The following BMPR1B variants were observed in gnomAD, a reference collection of about 807,000 sequenced individuals.
BMPR1B encodes bone morphogenetic protein receptor type-1B.
In BMPR1B, 12 loss-of-function variants were observed where a neutral mutation model predicts 59.1. The ratio of observed to expected loss-of-function variants is 0.20; its 90% CI spans 0.13 to 0.33. The LOEUF (loss-of-function observed/expected upper bound fraction) is 0.33. Ranked by LOEUF, BMPR1B falls within the 10% of genes least tolerant of loss-of-function variation. BMPR1B has a pLI of 1.00. For synonymous variants in BMPR1B, 237 were observed against 207.3 expected (o/e 1.14, Z -1.23); for missense variants, 550 against 610.9 (o/e 0.90, Z 1.05).
chr4:94,782,956 G>A (rs186901616), intron 1 of BMPR1B, among the ~76,000 whole-genome samples: 1 of 152,192 alleles, frequency 6.6e-6, no homozygotes, highest in Admixed American at 6.5e-5. Context: ...GCTTGTTTTT[G>A]TTATTTGCTT....
intron 1 of BMPR1B, among the ~76,000 whole-genome samples, chr4:94,867,319 A>G (rs570727372): frequency 6.6e-4 from 100 of 152,298 alleles, no homozygotes; most frequent in African/African-American, 2.3e-3. Flanking sequence ...CTCAAACTCA[A>G]TATATCCAAT....
intron 1 of BMPR1B, among the ~76,000 whole-genome samples, chr4:94,833,749 C>T (rs144941084): frequency 6.6e-6 from 1 of 152,228 alleles, no homozygotes; most frequent in African/African-American, 2.4e-5. Flanking sequence ...ATATTATAGA[C>T]CCAGAATTGT....
chr4:94,790,953 A>G (rs1200959526), intron 1 of BMPR1B, among the ~76,000 whole-genome samples: 1 of 152,132 alleles, frequency 6.6e-6, no homozygotes, highest in African/African-American at 2.4e-5. Context: ...GTTGTCAAGA[A>G]TAAATTTGAA....
intron 2 of BMPR1B, among the ~76,000 whole-genome samples, chr4:94,909,165 G>A (rs1293532379): frequency 6.6e-6 from 1 of 152,036 alleles, no homozygotes; most frequent in Non-Finnish European, 1.5e-5. Flanking sequence ...GTCATTGAAT[G>A]TAGGGCCCAT....
Position 95,131,588 on chromosome 4 carries a change from A to G in BMPR1B, c.1076+76A>G, listed in dbSNP as rs940312541. The G allele has an allele frequency of 4.0e-6, 6 of 1,505,870 alleles. No individual in the cohort carries two copies. The African/African-American group carries it at 5.5e-5, about 14-fold the overall frequency. The allele number at this position is 1,505,870 out of a possible 1,614,324, so 93.3% of individuals were successfully genotyped here. A position where few individuals can be genotyped will look rare whatever the true frequency, so the allele number is the denominator to read the frequency against. On this transcript the variant is annotated intron_variant, in intron 10 of 12. Coordinates refer to ENST00000515059, the MANE Select transcript of BMPR1B (RefSeq NM_001203.3). ...TTTTATTTTGTAGCGCAGTGCTTCT[A>G]GGATATTTAGTAGAAGAGGAATATC...
intron 3 of BMPR1B, among the ~76,000 whole-genome samples, chr4:95,049,987 A>C (rs2149186245): frequency 6.6e-6 from 1 of 152,154 alleles, no homozygotes; most frequent in African/African-American, 2.4e-5. Flanking sequence ...ATAGAAGCCC[A>C]TATTGGGGAA....
chr4:95,149,060 T>C, intron 11 of BMPR1B, 137 bp downstream of exon 11: 2 of 1,136,228 alleles, frequency 1.8e-6, no homozygotes, highest in Non-Finnish European at 2.6e-6. Context: ...GATGCAGTCA[T>C]AGTGCTTCCA....
chr4:95,123,897 G>T lies in BMPR1B; in HGVS notation c.437G>T (p.Cys146Phe). Residue 146 changes from cysteine (C) to phenylalanine (F), a missense_variant, in exon 7 of 13, where the codon TGT becomes TTT. Transcript: ENST00000515059. Reference sequence around the variant, plus strand: ...CTCTTGGTCCTTATCATATTATTTTGTTACTTCCGGTAAGTTTCTAACATG... The same window carrying T: ...CTCTTGGTCCTTATCATATTATTTTTTTACTTCCGGTAAGTTTCTAACATG... ...SLLLVLIILF[C>F]YFRYKRQETR... 2 of 1,607,444 alleles carry T rather than the reference G, an allele frequency of 1.2e-6. No individual in the cohort carries two copies. Among genetic ancestry groups the T allele is most frequent in the Non-Finnish European group, 8.5e-7 (1 of 1,175,818 alleles).
At chr4:94,760,086 C>T (rs923856643) in intron 1 of BMPR1B, among the ~76,000 whole-genome samples, 5 of 152,034 alleles carry the variant, frequency 3.3e-5, no homozygotes, top group African/African-American at 4.8e-5. Flanking sequence ...TGCTAGGGGC[C>T]GCTGATGAAT....
At chr4:95,066,407 G>A (rs537323037) in intron 3 of BMPR1B, among the ~76,000 whole-genome samples, 31 of 152,304 alleles carry the variant, frequency 2.0e-4, no homozygotes, top group African/African-American at 7.5e-4. Context: ...TCAGGGCCTT[G>A]AGGTTTGTTT....
chr4:95,134,027 C>A (rs1385431641), intron 10 of BMPR1B, among the ~76,000 whole-genome samples: 1 of 152,110 alleles, frequency 6.6e-6, no homozygotes, highest in African/African-American at 2.4e-5. Context: ...TCCCTCCCCC[C>A]TCCACCCCAC....
At chr4:95,153,319 C>T (rs1164217548) in intron 12 of BMPR1B, among the ~76,000 whole-genome samples, 8 of 152,074 alleles carry the variant, frequency 5.3e-5, no homozygotes, top group African/African-American at 1.9e-4. Context: ...TGGAAAGCAG[C>T]GGCTAGTAAG....
At chr4:94,779,690 G>C (rs961838823) in intron 1 of BMPR1B, among the ~76,000 whole-genome samples, 4 of 151,984 alleles carry the variant, frequency 2.6e-5, no homozygotes, top group Non-Finnish European at 4.4e-5. Context: ...AAATTAGCCC[G>C]GTGTGGTGGC....
At position 94,891,130 on chromosome 4, in the gene BMPR1B, G is replaced by C. The variant is rs186413640; in HGVS notation, c.-113+15230G>C. On this transcript the variant is annotated intron_variant, in intron 2 of 12. Coordinates refer to ENST00000515059, the MANE Select transcript of BMPR1B (RefSeq NM_001203.3). ...TATTTCTCACAATATCCTAATATGTGCATTGTACATAGTAAGTGGTTAGTA... is the reference window on the plus strand; with the variant it reads ...TATTTCTCACAATATCCTAATATGTCCATTGTACATAGTAAGTGGTTAGTA... Among the ~76,000 whole-genome samples the C allele has an allele frequency of 4.8e-4, 73 of 152,032 alleles. 1 individual carries two copies. The East Asian group carries it at 0.011, about 23-fold the overall frequency.
At chr4:94,928,490 C>T (rs1458130148) in intron 2 of BMPR1B, among the ~76,000 whole-genome samples, 1 of 151,554 alleles carries the variant, frequency 6.6e-6, no homozygotes, top group Non-Finnish European at 1.5e-5. Flanking sequence ...GTTGAAATCT[C>T]ATTCTAATTT....
At chr4:94,975,742 A>G (rs979824778) in intron 2 of BMPR1B, among the ~76,000 whole-genome samples, 41 of 152,156 alleles carry the variant, frequency 2.7e-4, no homozygotes, top group African/African-American at 7.2e-5. Flanking sequence ...GTTTTATTTC[A>G]TGATTTCTCC....
chr4:94,992,190 G>C (rs1023365960), intron 2 of BMPR1B, among the ~76,000 whole-genome samples: 1 of 152,138 alleles, frequency 6.6e-6, no homozygotes, highest in Non-Finnish European at 1.5e-5. Flanking sequence ...GTTCTCTTTA[G>C]TAAGGTGTAT....
chr4:95,072,944 C>A (rs1172326440), intron 3 of BMPR1B, among the ~76,000 whole-genome samples: 2 of 152,096 alleles, frequency 1.3e-5, no homozygotes, highest in Admixed American at 6.6e-5. Flanking sequence ...TATTCATCTT[C>A]TATTTTCTTC....
chr4:95,012,767 A>G (rs1280377061), intron 3 of BMPR1B, among the ~76,000 whole-genome samples: 1 of 152,154 alleles, frequency 6.6e-6, no homozygotes, highest in Non-Finnish European at 1.5e-5. Context: ...TTCATTTACT[A>G]TATCTTAAAT....
Sources: gnomAD v4.1 joint callset for allele counts (sites outside exome capture counted in the v4.1 genomes callset) on GRCh38, gnomAD v4.1.1 for gene constraint, MANE v1.5 for transcripts, NCBI Gene and HGNC (gene_info 2026-07-23, HGNC 2026-07-21) for gene names.